The following TECRL variants were observed in gnomAD, a reference collection of about 807,000 sequenced individuals.
The protein encoded by TECRL is trans-2,3-enoyl-CoA reductase-like.
Under a neutral mutation model 52.8 loss-of-function variants are expected in TECRL, and 63 were observed. The observed-to-expected ratio is 1.19, with a 90% confidence interval of 0.97 to 1.47. The LOEUF (loss-of-function observed/expected upper bound fraction) is 1.47, where lower values mean the gene tolerates loss of function less well. Ranked by LOEUF, TECRL falls within the 40% of genes most tolerant of loss-of-function variation. The probability of loss-of-function intolerance (pLI) is 0.00; values close to 1 mark genes in which losing one functional copy is unlikely to be tolerated. For synonymous variants in TECRL, 164 were observed against 141.9 expected, an observed-to-expected ratio of 1.16 and a Z score of -1.10; for missense variants, 482 against 429.6, an observed-to-expected ratio of 1.12 and a Z score of -1.08.
At chr4:64,401,457 C>T (rs967046539) in intron 1 of TECRL, among the ~76,000 whole-genome samples, 2 of 152,134 alleles carry the variant, frequency 1.3e-5, no homozygotes, top group African/African-American at 4.8e-5. Flanking sequence ...TTTCAAGTGC[C>T]ATCTTCAGCT....
At chr4:64,299,925 T>G in intron 8 of TECRL, 49 bp downstream of exon 8, 1 of 1,228,258 alleles carries the variant, frequency 8.1e-7, no homozygotes, top group Non-Finnish European at 1.1e-6. Flanking sequence ...TTTTTCTTAA[T>G]AATACCAAAA....
chr4:64,356,971 T>C (rs373198266), intron 2 of TECRL, among the ~76,000 whole-genome samples: 2 of 152,158 alleles, frequency 1.3e-5, no homozygotes, highest in South Asian at 4.1e-4. Context: ...CTCAACTCTA[T>C]AGTAGAAAAG....
At chr4:64,280,432 C>T (rs1238659316) in intron 11 of TECRL, among the ~76,000 whole-genome samples, 1 of 151,968 alleles carries the variant, frequency 6.6e-6, no homozygotes, top group Non-Finnish European at 1.5e-5. Context: ...ATTTTATATA[C>T]CACTGCCACA....
chr4:64,365,708 C>CTCTAATT (rs1721549060), intron 2 of TECRL, among the ~76,000 whole-genome samples: 2 of 151,906 alleles, frequency 1.3e-5, no homozygotes, highest in South Asian at 2.1e-4. Context: ...AATTACAAAA[C>CTCTAATT]ACTGCTGAAG....
chr4:64,373,728 T>C (rs1333673057), intron 2 of TECRL, among the ~76,000 whole-genome samples: 1 of 151,440 alleles, frequency 6.6e-6, no homozygotes, highest in African/African-American at 2.4e-5. Context: ...CATTTTCAAA[T>C]GTCTTCCTAC....
chr4:64,322,684 C>G lies in TECRL; in HGVS notation c.435+5G>C. ...ATGTATATTACATTTCAAATTAACACTTACTGTGGTCCAACTGACTTGTTG... is the reference window on the plus strand; with the variant it reads ...ATGTATATTACATTTCAAATTAACAGTTACTGTGGTCCAACTGACTTGTTG... On this transcript the variant is annotated splice_donor_5th_base_variant and intron_variant, in intron 4 of 11. Coordinates refer to ENST00000381210, the MANE Select transcript of TECRL (RefSeq NM_001010874.5). 2 of 1,577,614 alleles carry G rather than the reference C, an allele frequency of 1.3e-6. No individual in the cohort carries two copies. The highest frequency in any genetic ancestry group is 1.7e-6 in the Non-Finnish European group (2 of 1,159,548).
At chr4:64,372,879 T>C (rs1280113340) in intron 2 of TECRL, among the ~76,000 whole-genome samples, 1 of 151,714 alleles carries the variant, frequency 6.6e-6, no homozygotes, top group Admixed American at 6.6e-5. Flanking sequence ...TGTGGCTTTG[T>C]AAGTATATGA....
At chr4:64,301,648 G>C (rs1724027691) in intron 7 of TECRL, among the ~76,000 whole-genome samples, 1 of 151,122 alleles carries the variant, frequency 6.6e-6, no homozygotes, top group Non-Finnish European at 1.5e-5. Flanking sequence ...AACTGAAAAG[G>C]ATATCTTGTA....
At chr4:64,282,944 T>A (rs935517565) in intron 9 of TECRL, among the ~76,000 whole-genome samples, 1 of 152,134 alleles carries the variant, frequency 6.6e-6, no homozygotes, top group Non-Finnish European at 1.5e-5. Flanking sequence ...TTTTTTACAT[T>A]AAAATGCTGC....
chr4:64,316,065 A>T (rs1717476823), intron 4 of TECRL, among the ~76,000 whole-genome samples: 1 of 152,114 alleles, frequency 6.6e-6, no homozygotes, highest in Non-Finnish European at 1.5e-5. Flanking sequence ...ACTCTGGAAT[A>T]ATGATGAGGG....
intron 2 of TECRL, among the ~76,000 whole-genome samples, chr4:64,365,063 G>T (rs1277986815): frequency 1.3e-5 from 2 of 151,924 alleles, no homozygotes; most frequent in Non-Finnish European, 2.9e-5. Context: ...AATAAAATAA[G>T]CTTCACAGGA....
intron 1 of TECRL, among the ~76,000 whole-genome samples, chr4:64,390,057 G>T (rs1048883651): frequency 6.6e-6 from 1 of 151,816 alleles, no homozygotes; most frequent in Non-Finnish European, 1.5e-5. Flanking sequence ...TCTCAAAGCT[G>T]CTGGTTCTTA....
At chr4:64,330,350 ATACTTAAT>A (rs1213442110) in intron 2 of TECRL, among the ~76,000 whole-genome samples, 1 of 152,108 alleles carries the variant, frequency 6.6e-6, no homozygotes, top group Non-Finnish European at 1.5e-5. Flanking sequence ...CCTCTTAAGG[ATACTTAAT>A]GATTGACAGG....
chr4:64,354,979 A>C (rs148144420), intron 2 of TECRL, among the ~76,000 whole-genome samples: 1 of 152,284 alleles, frequency 6.6e-6, no homozygotes, highest in Admixed American at 6.5e-5. Flanking sequence ...TGGATAAGTG[A>C]GTAAGTAAAG....
At chr4:64,378,797 T>A (rs923632057) in intron 1 of TECRL, among the ~76,000 whole-genome samples, 2 of 152,080 alleles carry the variant, frequency 1.3e-5, no homozygotes, top group African/African-American at 4.8e-5. Flanking sequence ...AACTGAATTA[T>A]ACTATGGTTT....
chr4:64,302,015 C>A (rs1199925210), intron 7 of TECRL, among the ~76,000 whole-genome samples: 3 of 150,690 alleles, frequency 2.0e-5, no homozygotes, highest in Non-Finnish European at 4.5e-5. Context: ...CCTAATAGGC[C>A]ATTATTCTTT....
At chr4:64,364,075 A>T (rs2109626682) in intron 2 of TECRL, among the ~76,000 whole-genome samples, 1 of 152,272 alleles carries the variant, frequency 6.6e-6, no homozygotes, top group Admixed American at 6.6e-5. Flanking sequence ...AGAGCACAGC[A>T]AAATAAAAAT....
intron 1 of TECRL, among the ~76,000 whole-genome samples, chr4:64,380,289 G>A (rs1261897816): frequency 6.6e-6 from 1 of 151,872 alleles, no homozygotes; most frequent in Non-Finnish European, 1.5e-5. Context: ...AGGTATTTTA[G>A]TTGCTTATTT....
chr4:64,279,820 C>A lies in TECRL; in HGVS notation c.*252G>T, dbSNP rs1034950153. The A allele has an allele frequency of 6.6e-5, 68 of 1,025,802 alleles. No individual in the cohort carries two copies. The Middle Eastern group carries it at 1.9e-3, about 28-fold the overall frequency. The allele number at this position is 1,025,802 out of a possible 1,614,324, so 63.5% of individuals were successfully genotyped here. On this transcript the variant is annotated 3_prime_UTR_variant, in exon 12 of 12. Coordinates refer to ENST00000381210, the MANE Select transcript of TECRL (RefSeq NM_001010874.5). ...ATTGTGAAGTATTAATGAAGTAAGA[C>A]AATTTTATTCAAGGACCAATCCCAT...
Sources: gnomAD v4.1 joint callset for allele counts (sites outside exome capture counted in the v4.1 genomes callset) on GRCh38, gnomAD v4.1.1 for gene constraint, MANE v1.5 for transcripts, NCBI Gene and HGNC (gene_info 2026-07-23, HGNC 2026-07-21) for gene names.